OSBPL3: variants seen among roughly 807,000 people sequenced by gnomAD.
OSBPL3 encodes the protein oxysterol binding protein like 3.
OSBPL3 carries 65 observed loss-of-function variants against 120.1 expected under a neutral mutation model. The observed-to-expected ratio is 0.54, with a 90% CI of 0.44 to 0.67. The LOEUF (loss-of-function observed/expected upper bound fraction) is 0.67, where lower values mean the gene tolerates loss of function less well. Ranked by LOEUF, OSBPL3 falls within the 30% of genes least tolerant of loss-of-function variation. OSBPL3 has a pLI of 0.00. For missense variants in OSBPL3, 1,004 were observed against 1,082.1 expected (o/e 0.93, Z 1.01); for synonymous variants, 416 against 402.6 (o/e 1.03, Z -0.40).
intron 10 of OSBPL3, among the ~76,000 whole-genome samples, chr7:24,860,981 A>G (rs1199337957): frequency 2.6e-5 from 4 of 152,250 alleles, no homozygotes; most frequent in Non-Finnish European, 5.9e-5. Flanking sequence ...TGCATGTTTA[A>G]TTTTATACAA....
chr7:24,866,509 C>T (rs1429432842), intron 5 of OSBPL3, among the ~76,000 whole-genome samples: 1 of 152,022 alleles, frequency 6.6e-6, no homozygotes, highest in Non-Finnish European at 1.5e-5. Flanking sequence ...GACATGGTGG[C>T]ACACGCCTGT....
At chr7:24,909,146 T>C (rs1345757021) in intron 1 of OSBPL3, among the ~76,000 whole-genome samples, 1 of 152,216 alleles carries the variant, frequency 6.6e-6, no homozygotes, top group East Asian at 1.9e-4. Context: ...TGATAACTGA[T>C]AGATCTGATA....
In OSBPL3 at chr7:24,879,914, T is replaced by C. The variant is rs891892608; in HGVS notation, c.97-7845A>G. On this transcript the variant is annotated intron_variant, in intron 2 of 22. Coordinates refer to ENST00000313367, the MANE Select transcript of OSBPL3 (RefSeq NM_015550.4). This position sits in a 1 kb window ranked among gnomAD's most constrained non-coding sequence, Gnocchi z 5.6. ...TGGGAAGCCATTAATATTTGTTAAA[T>C]ATTCCCCTAATTGTATCAAGCCCCT... 2.6e-5 allele frequency among the ~76,000 whole-genome samples: 4 copies of C among 152,226 alleles called. No homozygotes were observed. Among genetic ancestry groups the C allele is most frequent in the Non-Finnish European group, 5.9e-5 (4 of 68,042 alleles).
In OSBPL3 at chr7:24,849,355, T is replaced by C. The variant is rs1482059906; in HGVS notation, c.1159-179A>G. On this transcript the variant is annotated intron_variant, in intron 11 of 22. Transcript: ENST00000313367. The surrounding 1 kb of genome is among the most constrained non-coding windows in gnomAD (Gnocchi z 5.4). The stretch of plus-strand genomic sequence containing the variant: ...CTCCAAGAGGATACTGGTTCTGAGA[T>C]GCCTGGGAGATGACAAACCTGGGCT... 8.9e-6 allele frequency: 4 copies of C among 450,668 alleles called. No individual in the cohort carries two copies. Among genetic ancestry groups the C allele is most frequent in the Non-Finnish European group, 1.2e-5 (3 of 249,682 alleles). 27.9% of individuals were successfully genotyped at this position (450,668 alleles called of 1,614,324 possible).
rs762018284 is a variant in OSBPL3, at chr7:24,849,083, C to T, written c.1252G>A (p.Asp418Asn). Residue 418 changes from aspartate (D) to asparagine (N), a missense_variant, in exon 12 of 23, where the codon GAC (aspartate) becomes AAC (asparagine). Transcript: ENST00000313367. This position sits in a 1 kb window ranked among gnomAD's most constrained non-coding sequence, Gnocchi z 5.4. ...AACCTACCCACCTCTGCCAGATTGT[C>T]ACCCGACTTGGCGACAGCGGGGGAG... Reference protein sequence around the residue: ...LDSPAVAKSGDNLAEENSRDE... With the variant: ...LDSPAVAKSGNNLAEENSRDE... The T allele has an allele frequency of 1.7e-5, 28 of 1,613,468 alleles. No homozygotes were observed. Among genetic ancestry groups the T allele is most frequent in the Non-Finnish European group, 2.4e-5 (28 of 1,179,514 alleles).
Position 24,873,141 on chromosome 7 carries a change from C to T in OSBPL3, c.97-1072G>A, listed in dbSNP as rs1359808373. ...TCAGCCAAGATTTCACCTGGACTAA[C>T]TTGCTTTGAGTCAAATCTCCAGCCC... On this transcript the variant is annotated intron_variant, in intron 2 of 22. Coordinates refer to ENST00000313367, the MANE Select transcript of OSBPL3 (RefSeq NM_015550.4). This position sits in a 1 kb window ranked among gnomAD's most constrained non-coding sequence, Gnocchi z 4.1. Among the ~76,000 whole-genome samples, 1 of 152,238 alleles carries T rather than the reference C, an allele frequency of 6.6e-6. No homozygotes were observed. The highest frequency in any genetic ancestry group is 1.9e-4 in the East Asian group (1 of 5,206).
In OSBPL3 at chr7:24,834,428, T is replaced by C; in HGVS notation, c.1746+58A>G. 7.7e-6 allele frequency: 12 copies of C among 1,560,930 alleles called. No homozygotes were observed. Among genetic ancestry groups the C allele is most frequent in the Non-Finnish European group, 8.7e-6 (10 of 1,154,350 alleles). On this transcript the variant is annotated intron_variant, in intron 15 of 22. Coordinates refer to ENST00000313367, the MANE Select transcript of OSBPL3 (RefSeq NM_015550.4). This position sits in a 1 kb window ranked among gnomAD's most constrained non-coding sequence, Gnocchi z 5.2. ...CTGTCTCTCTGATGGGCCCCGTGAA[T>C]GGCCTCGTGGCTTGGGGACCGAGGC...
rs989952177 is a variant in OSBPL3 at position 24,966,127 on chromosome 7, T to A, written c.-150+13759A>T. 6.6e-6 allele frequency among the ~76,000 whole-genome samples: 1 copy of A among 152,250 alleles called. No individual in the cohort carries two copies. Among genetic ancestry groups the A allele is most frequent in the African/African-American group, 2.4e-5 (1 of 41,464 alleles). On this transcript the variant is annotated intron_variant, in intron 1 of 22. Coordinates refer to ENST00000313367, the MANE Select transcript of OSBPL3 (RefSeq NM_015550.4). This position sits in a 1 kb window ranked among gnomAD's most constrained non-coding sequence, Gnocchi z 4.8. ...TTGCTAAACCTCAGCCTGAGTTAAC[T>A]AGCTACAGCAAGACCCACAGATCTC... is the stretch of plus-strand genomic sequence containing the variant.
chr7:24,960,837 A>G (rs941978842), intron 1 of OSBPL3, among the ~76,000 whole-genome samples: 1 of 152,202 alleles, frequency 6.6e-6, no homozygotes, highest in Admixed American at 6.5e-5. Context: ...AGTATCACCA[A>G]GTACATAGTC....
At chr7:24,882,568 G>C (rs959361010) in intron 2 of OSBPL3, among the ~76,000 whole-genome samples, 3 of 152,152 alleles carry the variant, frequency 2.0e-5, no homozygotes, top group African/African-American at 7.2e-5. Flanking sequence ...ATGAGTGCAG[G>C]TACCTTTTAG....
chr7:24,951,079 A>C (rs988423443), intron 1 of OSBPL3, among the ~76,000 whole-genome samples: 3 of 152,170 alleles, frequency 2.0e-5, no homozygotes, highest in Non-Finnish European at 2.9e-5. Flanking sequence ...CCTCCCCACC[A>C]CCAGCCCCAA....
chr7:24,903,725 T>C (rs1807411448), intron 1 of OSBPL3, among the ~76,000 whole-genome samples: 1 of 152,108 alleles, frequency 6.6e-6, no homozygotes, highest in Non-Finnish European at 1.5e-5. Flanking sequence ...AGGGCTTTGC[T>C]CCAATGCTGA....
Position 24,834,436 on chromosome 7 carries a change from T to C in OSBPL3, c.1746+50A>G, listed in dbSNP as rs1239582082. On this transcript the variant is annotated intron_variant, in intron 15 of 22. Coordinates refer to ENST00000313367, the MANE Select transcript of OSBPL3 (RefSeq NM_015550.4). The surrounding 1 kb of genome is among the most constrained non-coding windows in gnomAD (Gnocchi z 5.2). The stretch of plus-strand genomic sequence containing the variant: ...CTGATGGGCCCCGTGAATGGCCTCG[T>C]GGCTTGGGGACCGAGGCTGGACAGT... 1 of 1,569,328 alleles carries C rather than the reference T, an allele frequency of 6.4e-7. No individual in the cohort carries two copies. The highest frequency in any genetic ancestry group is 1.4e-5 in the African/African-American group (1 of 73,728).
chr7:24,917,145 T>C (rs1483422560), intron 1 of OSBPL3, among the ~76,000 whole-genome samples: 1 of 151,832 alleles, frequency 6.6e-6, no homozygotes, highest in African/African-American at 2.4e-5. Context: ...ACCATTATAG[T>C]GGTCCATATT....
At chr7:24,957,057 T>A (rs925306020) in intron 1 of OSBPL3, among the ~76,000 whole-genome samples, 5 of 152,176 alleles carry the variant, frequency 3.3e-5, no homozygotes, top group African/African-American at 7.2e-5. Flanking sequence ...GGTATAAGAC[T>A]AAGTAGGTAG....
At chr7:24,840,339 C>T (rs1797588356) in intron 14 of OSBPL3, among the ~76,000 whole-genome samples, 1 of 152,170 alleles carries the variant, frequency 6.6e-6, no homozygotes, top group African/African-American at 2.4e-5. Context: ...TCTCTTCTTC[C>T]TCCTCCTCAG....
Position 24,830,102 on chromosome 7 carries a change from G to A in OSBPL3, c.1884+666C>T, listed in dbSNP as rs1229280286. On this transcript the variant is annotated intron_variant, in intron 16 of 22. Transcript: ENST00000313367. This position sits in a 1 kb window ranked among gnomAD's most constrained non-coding sequence, Gnocchi z 4.4. ...GTAAGAGGTAGAACTGAGGTAGGAC[G>A]GATCCTGGGCTGTCTGAAGCCTGAG... Among the ~76,000 whole-genome samples, 2 of 152,148 alleles carry A rather than the reference G, an allele frequency of 1.3e-5. No individual in the cohort carries two copies. Among genetic ancestry groups the A allele is most frequent in the Admixed American group, 1.3e-4 (2 of 15,286 alleles).
chr7:24,976,029 C>T (rs990589372), intron 1 of OSBPL3, among the ~76,000 whole-genome samples: 5 of 152,126 alleles, frequency 3.3e-5, no homozygotes, highest in African/African-American at 1.2e-4. Flanking sequence ...TCTGCTGGAT[C>T]GTGACTTTAG....
Position 24,835,586 on chromosome 7 carries a change from T to C in OSBPL3, c.1496-850A>G, listed in dbSNP as rs1394540980. Among the ~76,000 whole-genome samples the C allele has an allele frequency of 2.0e-5, 3 of 152,156 alleles. No individual in the cohort carries two copies. Among genetic ancestry groups the C allele is most frequent in the Admixed American group, 6.5e-5 (1 of 15,276 alleles). ...GACTATATACCCAAAGGAATATATA[T>C]TGTTCTACCATAAAGACGCATGCAC... On this transcript the variant is annotated intron_variant, in intron 14 of 22. Transcript: ENST00000313367. The surrounding 1 kb of genome is among the most constrained non-coding windows in gnomAD (Gnocchi z 4.8).
Sources: allele counts gnomAD v4.1 joint callset (sites outside exome capture counted in the v4.1 genomes callset), GRCh38; gene constraint gnomAD v4.1.1; non-coding constraint Gnocchi (gnomAD v3.1); transcripts MANE v1.5; gene names NCBI Gene and HGNC (gene_info 2026-07-23, HGNC 2026-07-21).